Variants in LRP5 observed in about 807,000 individuals in gnomAD.
The protein encoded by LRP5 is low-density lipoprotein receptor-related protein 5.
Under a neutral mutation model 154.1 loss-of-function variants are expected in LRP5, and 62 were observed. The observed-to-expected ratio is 0.40, with a 90% CI of 0.33 to 0.50. The LOEUF is 0.50. Ranked by LOEUF, LRP5 falls within the 20% of genes least tolerant of loss-of-function variation. The probability of loss-of-function intolerance (pLI) is 0.55; values close to 1 mark genes in which losing one functional copy is unlikely to be tolerated. For synonymous variants in LRP5, 966 were observed against 1,011.5 expected, an observed-to-expected ratio of 0.96 and a Z score of 0.85; for missense variants, 1,915 against 2,336.7, an observed-to-expected ratio of 0.82 and a Z score of 3.72.
chr11:68,302,803 T>C, the LRP5 span, among the ~76,000 whole-genome samples: 9 of 152,170 alleles, frequency 5.9e-5, no homozygotes, highest in African/African-American at 2.2e-4. Flanking sequence ...GCTGAACAGG[T>C]GGCCTCGCTG....
intron 7 of LRP5, among the ~76,000 whole-genome samples, chr11:68,390,570 C>T (rs1377348833): frequency 2.0e-5 from 3 of 152,396 alleles, no homozygotes; most frequent in Admixed American, 6.5e-5. Flanking sequence ...GATGTCTGTT[C>T]TCCCTTTGCT....
rs1161126346 is a variant in LRP5, at chr11:68,417,449, CTTTTTTTTTT to C, written c.3027+943_3027+952del. Among the ~76,000 whole-genome samples the C allele has an allele frequency of 2.9e-4, 12 of 41,596 alleles. 1 individual carries two copies. The highest frequency in any genetic ancestry group is 2.5e-3 in the Admixed American group (6 of 2,442). 27.3% of individuals were successfully genotyped at this position (41,596 alleles called of 152,430 possible). A position where few individuals can be genotyped will look rare whatever the true frequency, so the allele number is the denominator to read the frequency against. The stretch of plus-strand genomic sequence containing the variant: ...ACATCATTGCATTGGAACAGATTGG[CTTTTTTTTTT>C]TTTTTTTTTTTTTTTTTTTTGAGAT... On this transcript the variant is annotated intron_variant, in intron 13 of 22. Transcript: ENST00000294304.
rs557686671 is a variant in LRP5 at position 68,411,448 on chromosome 11, G to T, written c.2331G>T (p.Trp777Cys). The T allele has an allele frequency of 6.2e-7, 1 of 1,611,936 alleles. No individual in the cohort carries two copies. Among genetic ancestry groups the T allele is most frequent in the Admixed American group, 1.7e-5 (1 of 60,018 alleles). ...ALDPTKGYIYWTEWGGKPRIV... is the reference protein window; with the variant it reads ...ALDPTKGYIYCTEWGGKPRIV... The stretch of plus-strand genomic sequence containing the variant: ...TTGTGCCTTCCAGCTACATCTACTG[G>T]ACCGAGTGGGGCGGCAAGCCGAGGA... Residue 777 changes from tryptophan (W) to cysteine (C), a missense_variant, in exon 11 of 23, where the codon TGG becomes TGT. By Grantham distance (215) the Trp-to-Cys change is radical. Coordinates refer to ENST00000294304, the MANE Select transcript of LRP5 (RefSeq NM_002335.4).
chr11:68,432,367 T>C (rs1376299227), intron 17 of LRP5, among the ~76,000 whole-genome samples: 4 of 152,216 alleles, frequency 2.6e-5, no homozygotes, highest in African/African-American at 7.2e-5. Flanking sequence ...ACATCTGTCG[T>C]TGGCTCCTCT....
chr11:68,384,787 C>T (rs1376392399), intron 5 of LRP5, among the ~76,000 whole-genome samples: 1 of 152,144 alleles, frequency 6.6e-6, no homozygotes, highest in Non-Finnish European at 1.5e-5. Flanking sequence ...CCCCCCACCC[C>T]CCAAACTGAA....
chr11:68,438,648 A>C lies in LRP5; in HGVS notation c.4314A>C (p.Ile1438=), dbSNP rs1022486008. The change falls in exon 20 of 23, where the codon ATA becomes ATC. Residue 1438 remains isoleucine (I), a synonymous_variant. Coordinates refer to ENST00000294304, the MANE Select transcript of LRP5 (RefSeq NM_002335.4). Reference sequence around the variant, plus strand: ...CCCCGCACGTGCCCCTCAATTTCATAGCCCCGGGCGGTTCCCAGCATGGCC... The same window carrying C: ...CCCCGCACGTGCCCCTCAATTTCATCGCCCCGGGCGGTTCCCAGCATGGCC... ...SGTPHVPLNF[I]APGGSQHGPF... 10 of 1,613,170 alleles carry C rather than the reference A, an allele frequency of 6.2e-6. No homozygotes were observed. The highest frequency in any genetic ancestry group is 8.5e-6 in the Non-Finnish European group (10 of 1,179,966).
chr11:68,392,098 C>T (rs1407947903), intron 7 of LRP5, among the ~76,000 whole-genome samples: 1 of 152,208 alleles, frequency 6.6e-6, no homozygotes, highest in Non-Finnish European at 1.5e-5. Flanking sequence ...ATCCACCTGC[C>T]TCGGCCTCCC....
At chr11:68,404,159 G>T (rs2098654226) in intron 8 of LRP5, 1 of 434,172 alleles carries the variant, frequency 2.3e-6, no homozygotes, top group South Asian at 1.9e-5. Context: ...TGAAAGCCAG[G>T]ATCTTCAGGA....
chr11:68,352,728 G>GGCACTTGGTTGGGAGGTGCTCT (rs1565339006), intron 2 of LRP5, among the ~76,000 whole-genome samples: 1 of 147,220 alleles, frequency 6.8e-6, no homozygotes, highest in Non-Finnish European at 1.5e-5. Flanking sequence ...GGAGGTGCTT[G>GGCACTTGGTTGGGAGGTGCTCT]GCACTTGGTT....
chr11:68,440,017 T>A, intron 21 of LRP5, 101 bp downstream of exon 21: 6 of 1,060,284 alleles, frequency 5.7e-6, no homozygotes, highest in Non-Finnish European at 7.9e-6. Context: ...CTGGGGGCTG[T>A]GCCACCGCCT....
chr11:68,387,603 G>A (rs1014570698), intron 6 of LRP5, among the ~76,000 whole-genome samples: 2 of 152,214 alleles, frequency 1.3e-5, no homozygotes, highest in Non-Finnish European at 2.9e-5. Context: ...ATAGAAATCT[G>A]TGAAAGCAGA....
At chr11:68,319,081 T>G (rs2098595221) in intron 1 of LRP5, among the ~76,000 whole-genome samples, 1 of 148,564 alleles carries the variant, frequency 6.7e-6, no homozygotes, top group Non-Finnish European at 1.5e-5. Flanking sequence ...TGTTTTTTTT[T>G]TTTTTTTTTT....
At chr11:68,445,202 G>T (rs2153184590) in intron 21 of LRP5, among the ~76,000 whole-genome samples, 1 of 152,164 alleles carries the variant, frequency 6.6e-6, no homozygotes, top group South Asian at 2.1e-4. Flanking sequence ...AGGGTTCAAG[G>T]GATTCTCCCA....
At chr11:68,327,491 C>G (rs1440612706) in intron 1 of LRP5, among the ~76,000 whole-genome samples, 1 of 152,200 alleles carries the variant, frequency 6.6e-6, no homozygotes. Flanking sequence ...CAGTTGCCCC[C>G]CCTTAGGCAG....
At chr11:68,438,370 C>T in intron 19 of LRP5, 76 bp from the exon 20 acceptor site, 1 of 1,351,982 alleles carries the variant, frequency 7.4e-7, no homozygotes. Flanking sequence ...CTTCAGGGCG[C>T]ACGGTGTCTG....
intron 1 of LRP5, among the ~76,000 whole-genome samples, chr11:68,317,667 C>A (rs1180239209): frequency 6.6e-6 from 1 of 152,232 alleles, no homozygotes; most frequent in Non-Finnish European, 1.5e-5. Context: ...ATTCCCCAGC[C>A]CCATGTGGTG....
intron 3 of LRP5, 147 bp downstream of exon 3, chr11:68,357,994 G>A (rs555998091): frequency 1.1e-4 from 85 of 770,846 alleles, no homozygotes; most frequent in Non-Finnish European, 1.4e-4. Context: ...TTGGAACAGC[G>A]TCAGGGTCTG....
At chr11:68,396,377 C>T (rs572873184) in intron 7 of LRP5, among the ~76,000 whole-genome samples, 8 of 152,246 alleles carry the variant, frequency 5.3e-5, no homozygotes, top group African/African-American at 1.7e-4. Context: ...TTCCGTTCCA[C>T]GTGGTGGTGT....
intron 2 of LRP5, among the ~76,000 whole-genome samples, chr11:68,356,065 C>G (rs189161708): frequency 4.2e-4 from 63 of 150,870 alleles, no homozygotes; most frequent in African/African-American, 1.4e-3. Flanking sequence ...AGGATGGTCT[C>G]GATCTCCTGA....
Sources: gnomAD v4.1 joint callset for allele counts (sites outside exome capture counted in the v4.1 genomes callset) on GRCh38, gnomAD v4.1.1 for gene constraint, MANE v1.5 for transcripts, NCBI Gene and HGNC (gene_info 2026-07-23, HGNC 2026-07-21) for gene names.